Variants in SUCLG2 observed in about 807,000 individuals in gnomAD.
The protein encoded by SUCLG2 is succinate-CoA ligase GDP-forming subunit beta, also known as succinate--CoA ligase [GDP-forming] subunit beta, mitochondrial.
SUCLG2 carries 42 observed loss-of-function variants against 47.9 expected under a neutral mutation model. The ratio of observed to expected loss-of-function variants is 0.88; its 90% CI spans 0.69 to 1.14. SUCLG2 has a LOEUF of 1.14. Among genes scored for constraint, SUCLG2 ranks in the 50% most tolerant of loss-of-function variants. SUCLG2 has a pLI of 0.00. For synonymous variants in SUCLG2, 195 were observed against 197.3 expected (o/e 0.99, Z 0.10); for missense variants, 571 against 525.9 (o/e 1.09, Z -0.84).
intron 9 of SUCLG2, among the ~76,000 whole-genome samples, chr3:67,431,743 TG>T (rs888731143): frequency 1.7e-4 from 7 of 40,254 alleles, no homozygotes; most frequent in African/African-American, 6.0e-4. Context: ...TGTCGTGGGG[TG>T]GCGGGAGGGG....
chr3:67,628,770 G>C (rs1418137314), intron 1 of SUCLG2, among the ~76,000 whole-genome samples: 2 of 152,126 alleles, frequency 1.3e-5, no homozygotes, highest in African/African-American at 2.4e-5. Flanking sequence ...GGCCTCCCCA[G>C]CCATGTGGAA....
At chr3:67,480,198 G>A (rs1266139540) in intron 9 of SUCLG2, among the ~76,000 whole-genome samples, 3 of 152,152 alleles carry the variant, frequency 2.0e-5, no homozygotes, top group Non-Finnish European at 4.4e-5. Context: ...GTCAGTGACC[G>A]AAAATCAACT....
chr3:67,482,548 T>C (rs1280005909), intron 9 of SUCLG2, among the ~76,000 whole-genome samples: 1 of 152,230 alleles, frequency 6.6e-6, no homozygotes, highest in Non-Finnish European at 1.5e-5. Context: ...TGGTCAGCAC[T>C]GTCAGCATTT....
intron 10 of SUCLG2, chr3:67,376,534 T>C: frequency 1.0e-6 from 1 of 968,654 alleles, no homozygotes; most frequent in Non-Finnish European, 1.2e-6. Context: ...AGAATTTAAG[T>C]GTCTAATGAA....
At chr3:67,430,664 T>C (rs56034812) in intron 9 of SUCLG2, among the ~76,000 whole-genome samples, 29,783 of 151,496 alleles carry the variant, frequency 0.2, 3,308 homozygotes, top group Non-Finnish European at 0.25. Context: ...AATCCAGGAG[T>C]TGGTTTTTTG....
At chr3:67,394,358 A>G (rs1426275382) in intron 10 of SUCLG2, among the ~76,000 whole-genome samples, 2 of 151,280 alleles carry the variant, frequency 1.3e-5, no homozygotes, top group African/African-American at 2.4e-5. Context: ...CCAAGGCTCG[A>G]GAACTACTTG....
At chr3:67,491,562 A>G (rs1053064191) in intron 9 of SUCLG2, among the ~76,000 whole-genome samples, 2 of 151,772 alleles carry the variant, frequency 1.3e-5, no homozygotes, top group Non-Finnish European at 2.9e-5. Flanking sequence ...ACGGGGTTTT[A>G]CCATTTTGGC....
At chr3:67,500,049 T>G (rs901936531) in intron 7 of SUCLG2, among the ~76,000 whole-genome samples, 1 of 152,120 alleles carries the variant, frequency 6.6e-6, no homozygotes, top group African/African-American at 2.4e-5. Context: ...TTTACTTAAC[T>G]TGGGATATTG....
intron 2 of SUCLG2, among the ~76,000 whole-genome samples, chr3:67,575,183 A>G (rs1239377812): frequency 2.6e-5 from 4 of 152,218 alleles, no homozygotes; most frequent in African/African-American, 9.6e-5. Context: ...ATATCATCCA[A>G]TAATTCCAAT....
At chr3:67,500,491 T>C (rs1314504072) in intron 7 of SUCLG2, among the ~76,000 whole-genome samples, 1 of 151,218 alleles carries the variant, frequency 6.6e-6, no homozygotes, top group Non-Finnish European at 1.5e-5. Flanking sequence ...TGTCCACACA[T>C]TGTGAATGGT....
chr3:67,424,680 A>G (rs1466630130), intron 9 of SUCLG2, among the ~76,000 whole-genome samples: 2 of 152,138 alleles, frequency 1.3e-5, no homozygotes, highest in Non-Finnish European at 2.9e-5. Flanking sequence ...GCAAGTCATA[A>G]GAGCTCAGTA....
chr3:67,571,840 T>C (rs555201629), intron 2 of SUCLG2, among the ~76,000 whole-genome samples: 1 of 152,242 alleles, frequency 6.6e-6, no homozygotes. Flanking sequence ...AATGTTTCTT[T>C]CTATGCAAAA....
chr3:67,514,891 A>C (rs544985637), intron 6 of SUCLG2, among the ~76,000 whole-genome samples: 71 of 152,196 alleles, frequency 4.7e-4, no homozygotes, highest in Non-Finnish European at 7.6e-4. Context: ...ACCTTCAGCT[A>C]TCCAGGATCC....
chr3:67,630,799 T>A (rs1700911945), intron 1 of SUCLG2, among the ~76,000 whole-genome samples: 1 of 152,240 alleles, frequency 6.6e-6, no homozygotes, highest in African/African-American at 2.4e-5. Flanking sequence ...AAGGTGAACC[T>A]ACTTGCCTAG....
At chr3:67,643,693 G>A (rs1313705677) in intron 1 of SUCLG2, among the ~76,000 whole-genome samples, 1 of 152,194 alleles carries the variant, frequency 6.6e-6, no homozygotes, top group Non-Finnish European at 1.5e-5. Context: ...AAATGAGACT[G>A]TAGGTTCCTT....
intron 10 of SUCLG2, among the ~76,000 whole-genome samples, chr3:67,366,694 T>C (rs571853783): frequency 2.6e-5 from 4 of 152,304 alleles, no homozygotes; most frequent in South Asian, 4.1e-4. Context: ...TGAGCACTCA[T>C]AGGATGACAA....
At chr3:67,572,786 A>G (rs1707648404) in intron 2 of SUCLG2, among the ~76,000 whole-genome samples, 1 of 152,098 alleles carries the variant, frequency 6.6e-6, no homozygotes, top group African/African-American at 2.4e-5. Flanking sequence ...TACCGATTCT[A>G]CTCAACATGG....
At chr3:67,563,913 TCTCGCTGCTGCA>T (rs2107221734) in intron 2 of SUCLG2, among the ~76,000 whole-genome samples, 1 of 142,500 alleles carries the variant, frequency 7.0e-6, no homozygotes, top group South Asian at 2.2e-4. Context: ...TGAGCGGAGA[TCTCGCTGCTGCA>T]CTCCAGCCTG....
At chr3:67,405,304 A>G (rs1702778844) in intron 9 of SUCLG2, among the ~76,000 whole-genome samples, 1 of 152,232 alleles carries the variant, frequency 6.6e-6, no homozygotes, top group Admixed American at 6.5e-5. Context: ...TGCAGATTTT[A>G]GTACACAATT....
Sources: allele counts gnomAD v4.1 joint callset (sites outside exome capture counted in the v4.1 genomes callset), GRCh38; gene constraint gnomAD v4.1.1; transcripts MANE v1.5; gene names NCBI Gene and HGNC (gene_info 2026-07-23, HGNC 2026-07-21).